The following GRM7 variants were observed in gnomAD, a reference collection of about 807,000 sequenced individuals.
GRM7 encodes the protein glutamate metabotropic receptor 7.
GRM7 carries 35 observed loss-of-function variants against 84.5 expected under a neutral mutation model. The observed-to-expected ratio is 0.41, with a 90% CI of 0.32 to 0.55. GRM7 has a LOEUF of 0.55. Ranked by LOEUF, GRM7 falls within the 20% of genes least tolerant of loss-of-function variation. The probability of loss-of-function intolerance (pLI) is 0.19; values close to 1 mark genes in which losing one functional copy is unlikely to be tolerated. For missense variants in GRM7, 1,003 were observed against 1,194.6 expected, an observed-to-expected ratio of 0.84 and a Z score of 2.36; for synonymous variants, 487 against 455.1, an observed-to-expected ratio of 1.07 and a Z score of -0.89.
At chr3:7,048,937 C>G (rs1425742925) in intron 1 of GRM7, among the ~76,000 whole-genome samples, 3 of 151,910 alleles carry the variant, frequency 2.0e-5, no homozygotes, top group Non-Finnish European at 4.4e-5. Flanking sequence ...TTTATGCCAT[C>G]TCTTTCCTTT....
At chr3:6,934,466 T>C (rs1697618076) in intron 1 of GRM7, among the ~76,000 whole-genome samples, 1 of 152,130 alleles carries the variant, frequency 6.6e-6, no homozygotes, top group African/African-American at 2.4e-5. Flanking sequence ...CTAGAGAGTA[T>C]ATCATTACAA....
At chr3:7,417,140 A>G (rs937173056) in intron 5 of GRM7, among the ~76,000 whole-genome samples, 1 of 152,154 alleles carries the variant, frequency 6.6e-6, no homozygotes, top group African/African-American at 2.4e-5. Context: ...ACAAAAATGG[A>G]AATAGAAGTG....
intron 2 of GRM7, among the ~76,000 whole-genome samples, chr3:7,169,105 G>A (rs1402206850): frequency 6.6e-6 from 1 of 152,058 alleles, no homozygotes; most frequent in Non-Finnish European, 1.5e-5. Context: ...TGCTGTTCCA[G>A]TGGCTTCAAT....
chr3:7,611,613 G>T (rs547266137), intron 8 of GRM7, among the ~76,000 whole-genome samples: 1 of 152,252 alleles, frequency 6.6e-6, no homozygotes, highest in South Asian at 2.1e-4. Context: ...CCAAGAACTG[G>T]ATAAGGAAAC....
At chr3:7,631,619 C>T (rs1180783803) in intron 8 of GRM7, among the ~76,000 whole-genome samples, 4 of 152,036 alleles carry the variant, frequency 2.6e-5, no homozygotes, top group Non-Finnish European at 5.9e-5. Flanking sequence ...TCAACTTTTG[C>T]ACTATTGACA....
rs73811613 is a variant in GRM7, at chr3:7,134,689, A to C, written c.520-11763A>C. 1.2e-3 allele frequency among the ~76,000 whole-genome samples: 185 copies of C among 152,268 alleles called. 2 individuals carry two copies. Among genetic ancestry groups the C allele is most frequent in the African/African-American group, 4.3e-3 (179 of 41,562 alleles). On this transcript the variant is annotated intron_variant, in intron 1 of 9. Transcript: ENST00000357716. ...ATGTCTCCCTAAACCGCAGGAATTC[A>C]GGGATGAGAAAAGGTGGTTCCTCAG... is the stretch of plus-strand genomic sequence containing the variant.
At chr3:7,702,829 A>G (rs954152205) in intron 9 of GRM7, among the ~76,000 whole-genome samples, 3 of 152,216 alleles carry the variant, frequency 2.0e-5, no homozygotes, top group African/African-American at 7.2e-5. Context: ...CTCAGAGTAC[A>G]AAAACACTTT....
chr3:6,986,625 C>G (rs1422542202), intron 1 of GRM7, among the ~76,000 whole-genome samples: 1 of 152,184 alleles, frequency 6.6e-6, no homozygotes, highest in African/African-American at 2.4e-5. Flanking sequence ...CTCTACTTCT[C>G]TCCCTTCTAG....
At chr3:7,138,026 A>G (rs1378312268) in intron 1 of GRM7, among the ~76,000 whole-genome samples, 3 of 152,054 alleles carry the variant, frequency 2.0e-5, no homozygotes, top group Admixed American at 1.3e-4. Flanking sequence ...GATAATATCT[A>G]TGTAGTGGTA....
intron 1 of GRM7, among the ~76,000 whole-genome samples, chr3:7,000,127 C>T (rs934358481): frequency 1.4e-5 from 2 of 145,218 alleles, no homozygotes; most frequent in African/African-American, 5.0e-5. Context: ...TTTTTTTCAT[C>T]AATATAAATG....
At chr3:6,869,774 C>CTTAA (rs1695058831) in intron 1 of GRM7, among the ~76,000 whole-genome samples, 2 of 152,186 alleles carry the variant, frequency 1.3e-5, no homozygotes, top group Non-Finnish European at 2.9e-5. Context: ...ATTCCATGGA[C>CTTAA]TTAAGATAAC....
At chr3:7,712,853 T>G (rs1701630833) in intron 9 of GRM7, among the ~76,000 whole-genome samples, 1 of 152,252 alleles carries the variant, frequency 6.6e-6, no homozygotes, top group African/African-American at 2.4e-5. Flanking sequence ...GTAGAGGTCC[T>G]TCATGTTCTT....
chr3:7,263,296 G>T (rs905638379), intron 2 of GRM7, among the ~76,000 whole-genome samples: 1 of 152,136 alleles, frequency 6.6e-6, no homozygotes, highest in Non-Finnish European at 1.5e-5. Flanking sequence ...AACCTGCTGC[G>T]CTGGAGAGGG....
chr3:7,314,284 C>T (rs1204760273), intron 4 of GRM7, among the ~76,000 whole-genome samples: 1 of 152,098 alleles, frequency 6.6e-6, no homozygotes, highest in Admixed American at 6.6e-5. Flanking sequence ...CCTAAGTTAT[C>T]GTATCCACAT....
chr3:7,458,649 A>G (rs1261883122), intron 6 of GRM7, among the ~76,000 whole-genome samples: 1 of 152,174 alleles, frequency 6.6e-6, no homozygotes, highest in Admixed American at 6.5e-5. Context: ...GCAAGAAGGG[A>G]AAAAGATTAG....
intron 2 of GRM7, among the ~76,000 whole-genome samples, chr3:7,195,592 T>C (rs1695852117): frequency 6.6e-6 from 1 of 152,136 alleles, no homozygotes; most frequent in South Asian, 2.1e-4. Context: ...CAAAAGTGTT[T>C]TATTTTAGTG....
intron 1 of GRM7, among the ~76,000 whole-genome samples, chr3:6,966,543 C>G (rs901904101): frequency 6.6e-6 from 1 of 152,206 alleles, no homozygotes; most frequent in African/African-American, 2.4e-5. Context: ...CCCATTAACT[C>G]TCATTCAGGC....
chr3:7,492,523 C>A (rs1449003763), intron 7 of GRM7, among the ~76,000 whole-genome samples: 1 of 151,976 alleles, frequency 6.6e-6, no homozygotes, highest in Non-Finnish European at 1.5e-5. Context: ...TTCTATTTAC[C>A]TATCTTTTAA....
At chr3:7,449,889 A>T (rs1474725625) in intron 5 of GRM7, among the ~76,000 whole-genome samples, 1 of 152,150 alleles carries the variant, frequency 6.6e-6, no homozygotes, top group African/African-American at 2.4e-5. Context: ...GTACTCTGGA[A>T]GTGGGCTCAT....
Sources: allele counts gnomAD v4.1 joint callset (sites outside exome capture counted in the v4.1 genomes callset), GRCh38; gene constraint gnomAD v4.1.1; transcripts MANE v1.5; gene names NCBI Gene and HGNC (gene_info 2026-07-23, HGNC 2026-07-21).